SHQ1: variants seen among roughly 807,000 people sequenced by gnomAD.
The protein encoded by SHQ1 is SHQ1, H/ACA ribonucleoprotein assembly factor.
Under a neutral mutation model 53.8 loss-of-function variants are expected in SHQ1, and 49 were observed. The observed-to-expected ratio is 0.91, with a 90% CI of 0.72 to 1.16. The LOEUF (loss-of-function observed/expected upper bound fraction) is 1.16. Among genes scored for constraint, SHQ1 ranks in the 50% most tolerant of loss-of-function variants. The probability of loss-of-function intolerance (pLI) is 0.00; values close to 1 mark genes in which losing one functional copy is unlikely to be tolerated. For synonymous variants in SHQ1, 243 were observed against 251.0 expected (o/e 0.97, Z 0.30); for missense variants, 738 against 683.1 (o/e 1.08, Z -0.90).
intron 10 of SHQ1, 132 bp downstream of exon 10, chr3:72,792,784 C>CAAAAA (rs59948195): frequency 8.6e-4 from 222 of 258,808 alleles, no homozygotes; most frequent in South Asian, 1.2e-3. Context: ...ACCTCCATCT[C>CAAAAA]AAAAAAAAAA....
intron 10 of SHQ1, among the ~76,000 whole-genome samples, chr3:72,775,437 TAAAG>T (rs1023386631): frequency 2.2e-5 from 3 of 138,170 alleles, no homozygotes; most frequent in East Asian, 2.2e-4. Flanking sequence ...AATTTTCCCA[TAAAG>T]AAAGAAAGAC....
At chr3:72,771,647 G>A (rs75239085) in intron 10 of SHQ1, among the ~76,000 whole-genome samples, 4,206 of 152,276 alleles carry the variant, frequency 0.028, 127 homozygotes, top group Non-Finnish European at 0.035. Context: ...AATAAAGGGA[G>A]GGGTTGAGGG....
chr3:72,830,776 T>C (rs1168390826), intron 5 of SHQ1, among the ~76,000 whole-genome samples: 1 of 152,172 alleles, frequency 6.6e-6, no homozygotes, highest in Non-Finnish European at 1.5e-5. Flanking sequence ...AAAGAATATT[T>C]CATGCATAGT....
Position 72,783,704 on chromosome 3 carries a change from T to A in SHQ1, c.1181+9212A>T, listed in dbSNP as rs1320310872. Among the ~76,000 whole-genome samples, 7 of 152,336 alleles carry A rather than the reference T, an allele frequency of 4.6e-5. No homozygotes were observed. The South Asian group carries it at 1.0e-3, about 23-fold the overall frequency. ...AATGATAAATGAATTATGTTTCTAT[T>A]TCTAAAAATTCTCAAATACGTCAAA... On this transcript the variant is annotated intron_variant, in intron 10 of 10. Transcript: ENST00000325599.
chr3:72,726,357 C>CT, the SHQ1 span, among the ~76,000 whole-genome samples: 19 of 148,384 alleles, frequency 1.3e-4, no homozygotes, highest in East Asian at 5.9e-4. Context: ...TAGGCCCTTT[C>CT]TTTTTTTTTT....
At chr3:72,745,343 C>A (rs1216765033), downstream of SHQ1, among the ~76,000 whole-genome samples, 3 of 152,146 alleles carry the variant, frequency 2.0e-5, no homozygotes, top group Non-Finnish European at 4.4e-5. Context: ...GCAGATTAAT[C>A]TTGTGCCAGT....
Position 72,824,532 on chromosome 3 carries a change from C to T in SHQ1, c.619G>A (p.Glu207Lys). 3 of 1,608,588 alleles carry T rather than the reference C, an allele frequency of 1.9e-6. No individual in the cohort carries two copies. Among genetic ancestry groups the T allele is most frequent in the Non-Finnish European group, 2.5e-6 (3 of 1,178,266 alleles). Reference protein sequence around the residue: ...DHYLADFFEDEAIEQILKYNP... With the variant: ...DHYLADFFEDKAIEQILKYNP... The stretch of plus-strand genomic sequence containing the variant: ...TACTTCAAAATCTGTTCAATCGCCT[C>T]ATCTTCAAAAAAGTCAGCTCTAGGA... Residue 207 changes from glutamate (E) to lysine (K), a missense_variant, in exon 6 of 11, where the codon GAG becomes AAG. Physicochemically the swap from Glu to Lys is moderately conservative, Grantham distance 56. Coordinates refer to ENST00000325599, the MANE Select transcript of SHQ1 (RefSeq NM_018130.3).
chr3:72,732,375 TGCCTG>T, the SHQ1 span, among the ~76,000 whole-genome samples: 62 of 133,712 alleles, frequency 4.6e-4, no homozygotes, highest in African/African-American at 1.7e-3. Flanking sequence ...CCTGCCTGCC[TGCCTG>T]CCTGCCTGCC....
intron 9 of SHQ1, among the ~76,000 whole-genome samples, chr3:72,810,706 A>C (rs1403452722): frequency 6.6e-6 from 1 of 152,192 alleles, no homozygotes; most frequent in Non-Finnish European, 1.5e-5. Flanking sequence ...GAGCCTCTTC[A>C]GCGGCAATAA....
intron 1 of SHQ1, among the ~76,000 whole-genome samples, chr3:72,845,755 A>T (rs1559704239): frequency 6.6e-6 from 1 of 152,148 alleles, no homozygotes. Flanking sequence ...GTTTCCTACT[A>T]AATATGATTA....
At chr3:72,750,944 C>T in intron 10 of SHQ1, 108 bp from the exon 11 acceptor site, 1 of 840,032 alleles carries the variant, frequency 1.2e-6, no homozygotes, top group Non-Finnish European at 1.8e-6. Flanking sequence ...TTTTAAATGG[C>T]ACACCAGGAT....
At chr3:72,788,156 C>T (rs1405839857) in intron 10 of SHQ1, among the ~76,000 whole-genome samples, 11 of 151,930 alleles carry the variant, frequency 7.2e-5, no homozygotes, top group African/African-American at 2.7e-4. Context: ...AAGTGAGGAG[C>T]GTCTCTGCCT....
At chr3:72,796,788 C>G (rs1396004212) in intron 9 of SHQ1, among the ~76,000 whole-genome samples, 2 of 151,768 alleles carry the variant, frequency 1.3e-5, no homozygotes, top group Non-Finnish European at 2.9e-5. Context: ...CCACTGCACT[C>G]CAGCCTGAGC....
intron 5 of SHQ1, among the ~76,000 whole-genome samples, chr3:72,830,564 C>T (rs1707795260): frequency 6.6e-6 from 1 of 151,922 alleles, no homozygotes; most frequent in Non-Finnish European, 1.5e-5. Context: ...ATTTTAGTTG[C>T]ATTTCATTTA....
intron 10 of SHQ1, among the ~76,000 whole-genome samples, chr3:72,785,794 G>C (rs1172850885): frequency 6.6e-6 from 1 of 152,106 alleles, no homozygotes; most frequent in East Asian, 1.9e-4. Context: ...TATACTTATA[G>C]GTAACACAGT....
At chr3:72,787,581 C>T (rs1706272985) in intron 10 of SHQ1, among the ~76,000 whole-genome samples, 1 of 152,102 alleles carries the variant, frequency 6.6e-6, no homozygotes, top group Admixed American at 6.5e-5. Context: ...TTAAAAAAAA[C>T]TCTGTAATGG....
chr3:72,756,577 C>G (rs1304520223), intron 10 of SHQ1, among the ~76,000 whole-genome samples: 1 of 152,164 alleles, frequency 6.6e-6, no homozygotes, highest in Non-Finnish European at 1.5e-5. Flanking sequence ...CCATGCCTGG[C>G]TAGTTACATG....
the SHQ1 span, among the ~76,000 whole-genome samples, chr3:72,741,216 A>G: frequency 6.6e-6 from 1 of 152,210 alleles, no homozygotes; most frequent in African/African-American, 2.4e-5. Context: ...AGCTCAATCC[A>G]GTCAGCTAAG....
At chr3:72,773,919 C>T (rs1705905029) in intron 10 of SHQ1, among the ~76,000 whole-genome samples, 1 of 152,140 alleles carries the variant, frequency 6.6e-6, no homozygotes, top group African/African-American at 2.4e-5. Context: ...CTCACACATA[C>T]AAAATGTAAG....
Sources: gnomAD v4.1 joint callset for allele counts (sites outside exome capture counted in the v4.1 genomes callset) on GRCh38, gnomAD v4.1.1 for gene constraint, MANE v1.5 for transcripts, NCBI Gene and HGNC (gene_info 2026-07-23, HGNC 2026-07-21) for gene names.